DNAH1: variants seen among roughly 807,000 people sequenced by gnomAD.
DNAH1 encodes the protein dynein axonemal heavy chain 1.
Under a neutral mutation model 484.3 loss-of-function variants are expected in DNAH1, and 327 were observed. The ratio of observed to expected loss-of-function variants is 0.68; its 90% CI spans 0.62 to 0.74. DNAH1 has a LOEUF of 0.74. Among genes scored for constraint, DNAH1 ranks in the 30% least tolerant of loss-of-function variants. The pLI, the probability that DNAH1 is intolerant of heterozygous loss-of-function variation, is 0.00. For missense variants in DNAH1, 5,052 were observed against 5,546.8 expected, an observed-to-expected ratio of 0.91 and a Z score of 2.83; for synonymous variants, 2,192 against 2,191.9, an observed-to-expected ratio of 1.00 and a Z score of 0.00.
intron 57 of DNAH1, 42 bp downstream of exon 57, chr3:52,388,376 G>C: frequency 1.2e-6 from 2 of 1,600,466 alleles, no homozygotes; most frequent in Admixed American, 1.7e-5. Context: ...CTCCCCTCCC[G>C]GGGGTACTTG....
chr3:52,386,820 C>A lies in DNAH1; in HGVS notation c.8970C>A (p.Gly2990=). 1 of 1,586,014 alleles carries A rather than the reference C, an allele frequency of 6.3e-7. No individual in the cohort carries two copies. Among genetic ancestry groups the A allele is most frequent in the Non-Finnish European group, 8.6e-7 (1 of 1,167,104 alleles). The change falls in exon 56 of 78, where the codon GGC becomes GGA. Residue 2990 remains glycine, a synonymous_variant. Coordinates refer to ENST00000420323, the MANE Select transcript of DNAH1 (RefSeq NM_015512.5). ...EPGKGLLQDP[G]HFLESLFKFD... is the part of the protein sequence containing the mutation. ...GCAAGGGGCTGCTGCAGGACCCGGGCCACTTCCTTGAGAGCCTCTTCAAGT... is the reference window on the plus strand; with the variant it reads ...GCAAGGGGCTGCTGCAGGACCCGGGACACTTCCTTGAGAGCCTCTTCAAGT...
chr3:52,400,305 C>T lies in DNAH1; in HGVS notation c.12677-20C>T. 1 of 1,613,704 alleles carries T rather than the reference C, an allele frequency of 6.2e-7. No homozygotes were observed. Among genetic ancestry groups the T allele is most frequent in the Non-Finnish European group, 8.5e-7 (1 of 1,179,742 alleles). On this transcript the variant is annotated intron_variant, in intron 77 of 77. Transcript: ENST00000420323. ...GTAATAGGGCATGACCTAACCCGTC[C>T]CCCTCCTTGCCCATTCCAGGAACAC...
chr3:52,361,595 CAGAG>C lies in DNAH1; in HGVS notation c.4875-65_4875-62del, dbSNP rs1248686698. Reference sequence around the variant, plus strand: ...CCCAAGTGGAGTTGGAGGGGGCCCTCAGAGGGAGGTGCCCAGATTGGGCTCTGAA... The same window carrying C: ...CCCAAGTGGAGTTGGAGGGGGCCCTCGGAGGTGCCCAGATTGGGCTCTGAA... On this transcript the variant is annotated intron_variant, in intron 29 of 77. Transcript: ENST00000420323. The surrounding 1 kb of genome is among the most constrained non-coding windows in gnomAD (Gnocchi z 5.6). The C allele has an allele frequency of 9.4e-6, 14 of 1,493,724 alleles. No homozygotes were observed. The highest frequency in any genetic ancestry group is 7.4e-5 in the East Asian group (3 of 40,410). 92.5% of individuals were successfully genotyped at this position (1,493,724 alleles called of 1,614,324 possible).
intron 11 of DNAH1, among the ~76,000 whole-genome samples, chr3:52,347,543 G>A (rs1455856783): frequency 6.6e-6 from 1 of 152,158 alleles, no homozygotes; most frequent in African/African-American, 2.4e-5. Context: ...GAGAGAGTGG[G>A]GGCTACAATG....
intron 9 of DNAH1, 54 bp downstream of exon 9, chr3:52,344,701 C>T: frequency 6.4e-7 from 1 of 1,554,398 alleles, no homozygotes. Flanking sequence ...GGCCAGAGCC[C>T]CCTCCCACCT....
In DNAH1 at chr3:52,359,240, T is replaced by A; in HGVS notation, c.4267-6T>A. The A allele has an allele frequency of 6.4e-7, 1 of 1,563,988 alleles. No individual in the cohort carries two copies. Among genetic ancestry groups the A allele is most frequent in the Non-Finnish European group, 8.7e-7 (1 of 1,153,562 alleles). Reference sequence around the variant, plus strand: ...CCAGGTCAGCCTGCCCATGCTGTCTTCCCAGATGCCCAGGACCCAGTGGGT... The same window carrying A: ...CCAGGTCAGCCTGCCCATGCTGTCTACCCAGATGCCCAGGACCCAGTGGGT... On this transcript the variant is annotated splice_polypyrimidine_tract_variant and splice_region_variant and intron_variant, in intron 25 of 77. Transcript: ENST00000420323.
In DNAH1 at chr3:52,372,988, A is replaced by G; in HGVS notation, c.6920A>G (p.Gln2307Arg). 1 of 1,613,760 alleles carries G rather than the reference A, an allele frequency of 6.2e-7. No individual in the cohort carries two copies. Among genetic ancestry groups the G allele is most frequent in the Non-Finnish European group, 8.5e-7 (1 of 1,179,852 alleles). Reference protein sequence around the residue: ...NMPALETYGAQPPIELLRQWM... With the variant: ...NMPALETYGARPPIELLRQWM... ...CCGGCCCTGGAGACCTACGGTGCAC[A>G]GCCACCCATCGAGCTGTTGCGCCAG... Residue 2307 changes from glutamine (Q) to arginine (R), a missense_variant, in exon 44 of 78, where the codon CAG becomes CGG. Gln to Arg is a conservative substitution (Grantham distance 43). Around this residue, in one of 4 missense-constraint regions of DNAH1, gnomAD observed 2,929 missense variants for 3,409.4 expected, o/e 0.86. Transcript: ENST00000420323.
chr3:52,350,221 G>GTAGT (rs970562152), intron 15 of DNAH1, 113 bp downstream of exon 15: 14 of 1,458,808 alleles, frequency 9.6e-6, no homozygotes, highest in African/African-American at 1.4e-5. Flanking sequence ...TGAGGGTAAG[G>GTAGT]TAGTTGGACA....
Position 52,381,848 on chromosome 3 carries a change from CAG to C in DNAH1, c.7805+13_7805+14del. The C allele has an allele frequency of 6.4e-7, 1 of 1,566,776 alleles. No homozygotes were observed. The highest frequency in any genetic ancestry group is 8.7e-7 in the Non-Finnish European group (1 of 1,155,244). The stretch of plus-strand genomic sequence containing the variant: ...CTCGCCTCGCACATGTGAGCGCCTC[CAG>C]GGCGTGCTGGGCAGTGGGCGGCCAG... On this transcript the variant is annotated intron_variant, in intron 49 of 77. Transcript: ENST00000420323. The surrounding 1 kb of genome is among the most constrained non-coding windows in gnomAD (Gnocchi z 4.1).
chr3:52,327,953 T>A lies in DNAH1; in HGVS notation c.810T>A (p.Ser270=), dbSNP rs1701410656. 2 of 1,613,848 alleles carry A rather than the reference T, an allele frequency of 1.2e-6. No individual in the cohort carries two copies. Among genetic ancestry groups the A allele is most frequent in the Non-Finnish European group, 1.7e-6 (2 of 1,179,846 alleles). The change falls in exon 6 of 78, where the codon TCT becomes TCA. Residue 270 remains serine (S), a synonymous_variant. Transcript: ENST00000420323. ...TCAACATGGGCTTGGAGCCAGGGTC[T>A]CTGGACAGGAAACCTGTCCCGGGAA... The part of the protein sequence containing the change: ...EWINMGLEPG[S]LDRKPVPGKA...
At chr3:52,315,449 C>T (rs1700918869), upstream of DNAH1, among the ~76,000 whole-genome samples, 1 of 152,208 alleles carries the variant, frequency 6.6e-6, no homozygotes, top group Non-Finnish European at 1.5e-5. Flanking sequence ...AGGGGGTGTG[C>T]AGACTTGCCA....
intron 59 of DNAH1, 36 bp downstream of exon 59, chr3:52,388,973 G>A (rs745544912): frequency 5.8e-6 from 9 of 1,549,422 alleles, no homozygotes; most frequent in South Asian, 1.2e-5. Flanking sequence ...GACCAGCCTC[G>A]CCTTCCCAAA....
intron 44 of DNAH1, chr3:52,373,871 T>C: frequency 7.1e-7 from 1 of 1,402,294 alleles, no homozygotes; most frequent in Non-Finnish European, 1.0e-6. Flanking sequence ...TTAACATGTT[T>C]CGAATATTAC....
chr3:52,323,640 G>A (rs1012034090), intron 2 of DNAH1, among the ~76,000 whole-genome samples, 168 bp from the exon 3 acceptor site: 1 of 152,146 alleles, frequency 6.6e-6, no homozygotes. Flanking sequence ...TGCCCACTGT[G>A]GCCTTTGAAC....
intron 9 of DNAH1, 41 bp downstream of exon 9, chr3:52,344,688 C>T: frequency 1.9e-6 from 3 of 1,584,338 alleles, no homozygotes; most frequent in Non-Finnish European, 2.6e-6. Context: ...TGGCCATCCA[C>T]CTGGCCAGAG....
chr3:52,342,974 G>A (rs562650230), intron 8 of DNAH1, among the ~76,000 whole-genome samples: 7 of 152,298 alleles, frequency 4.6e-5, no homozygotes, highest in African/African-American at 7.2e-5. Flanking sequence ...TGGGGAAGAC[G>A]AGGGGTCTCA....
intron 44 of DNAH1, among the ~76,000 whole-genome samples, chr3:52,373,315 C>T (rs1559545058): frequency 1.7e-5 from 2 of 118,720 alleles, no homozygotes; most frequent in Non-Finnish European, 3.4e-5. Flanking sequence ...CGGTGGTGGC[C>T]GCGGGGGCGC....
At chr3:52,329,335 C>T (rs754316302) in intron 6 of DNAH1, among the ~76,000 whole-genome samples, 1 of 151,944 alleles carries the variant, frequency 6.6e-6, no homozygotes. Flanking sequence ...TGAGTTGAGC[C>T]GAGACAAGGC....
intron 15 of DNAH1, among the ~76,000 whole-genome samples, 159 bp downstream of exon 15, chr3:52,350,267 G>T (rs1441972951): frequency 6.6e-6 from 1 of 152,052 alleles, no homozygotes; most frequent in African/African-American, 2.4e-5. Flanking sequence ...GTGAGCCGGG[G>T]CTTCAGAGCT....
Sources: gnomAD v4.1 joint callset for allele counts (sites outside exome capture counted in the v4.1 genomes callset) on GRCh38, gnomAD v4.1.1 for gene constraint, gnomAD v4.1.1 regional missense constraint, Gnocchi (gnomAD v3.1) non-coding constraint, MANE v1.5 for transcripts, NCBI Gene and HGNC (gene_info 2026-07-23, HGNC 2026-07-21) for gene names.